Variants in LRMDA observed in about 807,000 individuals in gnomAD.
The protein encoded by LRMDA is leucine rich melanocyte differentiation associated, also known as leucine-rich melanocyte differentiation-associated protein.
LRMDA carries 18 observed loss-of-function variants against 29.8 expected under a neutral mutation model. That is an observed-to-expected ratio of 0.60 (90% confidence interval 0.42 to 0.90). The LOEUF is 0.90. LRMDA is among the 40% of genes least tolerant of loss of function. The probability of loss-of-function intolerance (pLI) is 0.00; values close to 1 mark genes in which losing one functional copy is unlikely to be tolerated. For missense variants in LRMDA, 273 were observed against 273.9 expected (o/e 1.00, Z 0.02); for synonymous variants, 125 against 109.4 (o/e 1.14, Z -0.89).
chr10:76,053,367 G>A (rs1016246069), intron 4 of LRMDA, among the ~76,000 whole-genome samples: 1 of 152,066 alleles, frequency 6.6e-6, no homozygotes, highest in African/African-American at 2.4e-5. Context: ...TTTAGGATAC[G>A]GCTGTGATAA....
At chr10:76,234,877 ACTTTCTCCATAT>A (rs1447229042) in intron 5 of LRMDA, among the ~76,000 whole-genome samples, 1 of 152,152 alleles carries the variant, frequency 6.6e-6, no homozygotes, top group African/African-American at 2.4e-5. Context: ...TACCGCTAAA[ACTTTCTCCATAT>A]CAGCAATAAG....
intron 6 of LRMDA, among the ~76,000 whole-genome samples, chr10:76,472,813 A>G (rs1247930879): frequency 6.6e-6 from 1 of 151,506 alleles, no homozygotes; most frequent in African/African-American, 2.4e-5. Flanking sequence ...GACAGACTCA[A>G]GAAGAAATAG....
chr10:76,380,064 T>A (rs79937876), intron 6 of LRMDA, among the ~76,000 whole-genome samples: 1 of 152,340 alleles, frequency 6.6e-6, no homozygotes, highest in African/African-American at 2.4e-5. Context: ...TCTACTGTGG[T>A]CCAATAAAAT....
At chr10:76,281,943 AT>A (rs1840211610) in intron 5 of LRMDA, among the ~76,000 whole-genome samples, 1 of 152,208 alleles carries the variant, frequency 6.6e-6, no homozygotes, top group Admixed American at 6.5e-5. Context: ...ATCCAGCCCC[AT>A]TGTAGCCCTG....
intron 6 of LRMDA, among the ~76,000 whole-genome samples, chr10:76,390,058 G>C (rs1267062454): frequency 4.6e-5 from 7 of 152,154 alleles, no homozygotes; most frequent in Non-Finnish European, 1.0e-4. Context: ...TTCTTAAAGA[G>C]TTACCATACT....
chr10:76,139,250 T>A (rs1009178029), intron 5 of LRMDA, among the ~76,000 whole-genome samples: 2 of 152,062 alleles, frequency 1.3e-5, no homozygotes, highest in East Asian at 3.9e-4. Context: ...AAAAGAAAAA[T>A]CCTGAATGAT....
chr10:76,380,526 G>A (rs376965096), intron 6 of LRMDA, among the ~76,000 whole-genome samples: 4 of 151,770 alleles, frequency 2.6e-5, no homozygotes, highest in South Asian at 2.1e-4. Flanking sequence ...AAAATTAGTC[G>A]GGCGTGGTGG....
At chr10:75,883,955 A>G (rs1383668829) in intron 2 of LRMDA, among the ~76,000 whole-genome samples, 2 of 151,848 alleles carry the variant, frequency 1.3e-5, no homozygotes, top group East Asian at 1.9e-4. Flanking sequence ...TCATCAAGCT[A>G]TTCATTGTGA....
At chr10:75,751,079 T>C (rs903805354) in intron 2 of LRMDA, among the ~76,000 whole-genome samples, 5 of 152,234 alleles carry the variant, frequency 3.3e-5, no homozygotes, top group Non-Finnish European at 5.9e-5. Context: ...CTCCGGAGTC[T>C]GAGGCGGGCA....
intron 2 of LRMDA, among the ~76,000 whole-genome samples, chr10:75,477,214 A>G (rs1844806069): frequency 6.6e-6 from 1 of 152,012 alleles, no homozygotes; most frequent in African/African-American, 2.4e-5. Flanking sequence ...TCCTGGCCTC[A>G]AGCAGTCCTC....
intron 5 of LRMDA, among the ~76,000 whole-genome samples, chr10:76,120,240 G>C (rs1849759713): frequency 6.7e-6 from 1 of 149,218 alleles, no homozygotes; most frequent in Non-Finnish European, 1.5e-5. Flanking sequence ...CCAGGCTGGA[G>C]TACAGTGGCG....
rs57507869 is a variant in LRMDA at position 75,884,245 on chromosome 10, T to TTGTGTGTGTGTGTG, written c.132-151729_132-151716dup. Among the ~76,000 whole-genome samples the TTGTGTGTGTGTGTG allele has an allele frequency of 4.4e-3, 481 of 109,544 alleles. 10 individuals are homozygous for TTGTGTGTGTGTGTG. The highest frequency in any genetic ancestry group is 0.014 in the Middle Eastern group (3 of 212). The allele number at this position is 109,544 out of a possible 152,430, so 71.9% of individuals were successfully genotyped here. On this transcript the variant is annotated intron_variant, in intron 2 of 6. Transcript: ENST00000611255. The stretch of plus-strand genomic sequence containing the variant: ...CTAGTGTTTGGAAGGGCAGGCGACT[T>TTGTGTGTGTGTGTG]TGTGTGTGTGTGTGTGTGTGTGTGT...
chr10:75,517,008 G>T (rs1845297945), intron 2 of LRMDA, among the ~76,000 whole-genome samples: 1 of 152,098 alleles, frequency 6.6e-6, no homozygotes, highest in Admixed American at 6.5e-5. Context: ...TCACATGGTT[G>T]TAGTTGTGTG....
chr10:76,418,395 TTATATG>T (rs1371582955), intron 6 of LRMDA, among the ~76,000 whole-genome samples: 1 of 151,846 alleles, frequency 6.6e-6, no homozygotes, highest in East Asian at 1.9e-4. Flanking sequence ...TTCATTATAT[TTATATG>T]TATATGATTT....
chr10:75,726,715 G>A (rs915681468), intron 2 of LRMDA, among the ~76,000 whole-genome samples: 1 of 152,286 alleles, frequency 6.6e-6, no homozygotes. Flanking sequence ...AGGACTGTGC[G>A]GTTTCACAGA....
At chr10:75,431,988 C>G (rs1016382562) in intron 1 of LRMDA, among the ~76,000 whole-genome samples, 2 of 152,200 alleles carry the variant, frequency 1.3e-5, no homozygotes, top group Non-Finnish European at 2.9e-5. Context: ...GTCTCCCGTT[C>G]TCCCCACTTC....
intron 2 of LRMDA, among the ~76,000 whole-genome samples, chr10:75,735,765 G>T (rs1049477300): frequency 8.5e-5 from 13 of 152,148 alleles, no homozygotes; most frequent in African/African-American, 2.2e-4. Context: ...AACAGAAGCC[G>T]CTATCAGCTA....
chr10:76,502,199 T>C (rs992839571), intron 6 of LRMDA, among the ~76,000 whole-genome samples: 1 of 151,812 alleles, frequency 6.6e-6, no homozygotes, highest in African/African-American at 2.4e-5. Flanking sequence ...TGTGTTTTCT[T>C]TTCTCTTCCA....
At position 75,494,251 on chromosome 10, in the gene LRMDA, T is replaced by G. The variant is rs191514333; in HGVS notation, c.131+55757T>G. Among the ~76,000 whole-genome samples the G allele has an allele frequency of 2.8e-3, 419 of 152,264 alleles. 3 individuals carry two copies. Among genetic ancestry groups the G allele is most frequent in the African/African-American group, 9.5e-3 (394 of 41,534 alleles). ...TGATTTAGTAGCCTGAAAATAGTGG[T>G]CTTTTACTTCTTGTCTTTAGAGATA... On this transcript the variant is annotated intron_variant, in intron 2 of 6. Transcript: ENST00000611255.
Sources: allele counts gnomAD v4.1 joint callset (sites outside exome capture counted in the v4.1 genomes callset), GRCh38; gene constraint gnomAD v4.1.1; transcripts MANE v1.5; gene names NCBI Gene and HGNC (gene_info 2026-07-23, HGNC 2026-07-21).